Variants in SMAD9 observed in about 807,000 individuals in gnomAD.
SMAD9 encodes the protein SMAD family member 9.
SMAD9 carries 36 observed loss-of-function variants against 46.1 expected under a neutral mutation model. The ratio of observed to expected loss-of-function variants is 0.78; its 90% CI spans 0.60 to 1.03. The LOEUF is 1.03. Ranked by LOEUF, SMAD9 falls within the 50% of genes least tolerant of loss-of-function variation. SMAD9 has a pLI of 0.00. For synonymous variants in SMAD9, 245 were observed against 237.1 expected (o/e 1.03, Z -0.31); for missense variants, 572 against 599.8 (o/e 0.95, Z 0.48).
Position 36,879,713 on chromosome 13 carries a change from G to A in SMAD9, c.-24C>T, listed in dbSNP as rs372911346. On this transcript the variant is annotated 5_prime_UTR_variant, in exon 2 of 7. Transcript: ENST00000379826. ...ATAAGAGGCCACAGCAGGCTCCGGC[G>A]CGCACGGGAACCGCACAGCCCTTCA... 9.3e-6 allele frequency: 15 copies of A among 1,612,680 alleles called. No individual in the cohort carries two copies. Among genetic ancestry groups the A allele is most frequent in the Admixed American group, 6.7e-5 (4 of 60,012 alleles).
chr13:36,889,646 A>T (rs529228), intron 1 of SMAD9, among the ~76,000 whole-genome samples: 90,532 of 151,972 alleles, frequency 0.6, 27,764 homozygotes, highest in African/African-American at 0.74. Context: ...AATGAAATCA[A>T]TTCTTCCTGC....
intron 1 of SMAD9, among the ~76,000 whole-genome samples, chr13:36,884,849 C>A (rs912382305): frequency 6.6e-6 from 1 of 152,198 alleles, no homozygotes; most frequent in East Asian, 1.9e-4. Context: ...CAATCCTTCA[C>A]GGGCACTGCT....
chr13:36,900,737 ATTATTTT>A (rs2058568643), intron 1 of SMAD9, among the ~76,000 whole-genome samples: 1 of 151,470 alleles, frequency 6.6e-6, no homozygotes, highest in African/African-American at 2.4e-5. Flanking sequence ...ATAAATGTAA[ATTATTTT>A]ACTTATTTTA....
intron 1 of SMAD9, among the ~76,000 whole-genome samples, chr13:36,900,629 C>T (rs1360094924): frequency 6.7e-6 from 1 of 150,032 alleles, no homozygotes; most frequent in Non-Finnish European, 1.5e-5. Context: ...TTACTATCAA[C>T]CTTTCCTGAT....
chr13:36,907,009 A>G (rs2058625096), intron 1 of SMAD9, among the ~76,000 whole-genome samples: 1 of 152,240 alleles, frequency 6.6e-6, no homozygotes, highest in South Asian at 2.1e-4. Flanking sequence ...AAATGAATGA[A>G]TGAACAAATT....
chr13:36,902,011 TTTTTC>T (rs916544646), intron 1 of SMAD9, among the ~76,000 whole-genome samples: 1 of 152,238 alleles, frequency 6.6e-6, no homozygotes, highest in African/African-American at 2.4e-5. Flanking sequence ...TGATGAAATC[TTTTTC>T]TTTTGTTATT....
intron 2 of SMAD9, among the ~76,000 whole-genome samples, chr13:36,877,637 C>T (rs1387047865): frequency 4.0e-5 from 6 of 151,120 alleles, no homozygotes; most frequent in Non-Finnish European, 7.4e-5. Flanking sequence ...TTTAAGTAAG[C>T]GAAAAGAGTC....
rs553566297 is a variant in SMAD9 at position 36,845,646 on chromosome 13, T to G, written c.*3030A>C. ...GCTATTCAGTTTTTTTTTTAATGTCTACATCAAGGAATGAATGCTAAATGA... is the reference window on the plus strand; with the variant it reads ...GCTATTCAGTTTTTTTTTTAATGTCGACATCAAGGAATGAATGCTAAATGA... On this transcript the variant is annotated 3_prime_UTR_variant, in exon 7 of 7. Coordinates refer to ENST00000379826, the MANE Select transcript of SMAD9 (RefSeq NM_001127217.3). The G allele has an allele frequency of 2.0e-5, 3 of 152,272 alleles. No homozygotes were observed. The highest frequency in any genetic ancestry group is 4.1e-4 in the South Asian group (2 of 4,820). 9.4% of individuals were successfully genotyped at this position (152,272 alleles called of 1,614,324 possible). A position where few individuals can be genotyped will look rare whatever the true frequency, so the allele number is the denominator to read the frequency against.
At chr13:36,890,488 G>A (rs1418611637) in intron 1 of SMAD9, among the ~76,000 whole-genome samples, 5 of 152,076 alleles carry the variant, frequency 3.3e-5, no homozygotes, top group African/African-American at 1.2e-4. Flanking sequence ...CAATGAACCA[G>A]TTTTTTTCAA....
Position 36,879,546 on chromosome 13 carries a change from C to A in SMAD9, c.144G>T (p.Lys48Asn). Residue 48 changes from lysine (K) to asparagine (N), a missense_variant, in exon 2 of 7, where the codon AAG becomes AAT. Lys to Asn is a moderately conservative substitution (Grantham distance 94, BLOSUM62 0). Coordinates refer to ENST00000379826, the MANE Select transcript of SMAD9 (RefSeq NM_001127217.3). ...VDSLVKKLKK[K>N]KGAMDELERA... ...TCTCCAGCTCGTCCATGGCTCCCTT[C>A]TTCTTCTTTAACTTCTTCACTAGAG... 1.2e-6 allele frequency: 2 copies of A among 1,614,204 alleles called. No individual in the cohort carries two copies. Among genetic ancestry groups the A allele is most frequent in the Non-Finnish European group, 1.7e-6 (2 of 1,180,044 alleles).
At position 36,847,638 on chromosome 13, in the gene SMAD9, C is replaced by G. The variant is rs886050161; in HGVS notation, c.*1038G>C. The G allele has an allele frequency of 6.6e-6, 1 of 152,176 alleles. No homozygotes were observed. The highest frequency in any genetic ancestry group is 1.9e-4 in the East Asian group (1 of 5,198). The allele number at this position is 152,176 out of a possible 1,614,324, so 9.4% of individuals were successfully genotyped here. ...GATTTTCTCAAAGTCTTTACTGTTG[C>G]TTTAGTGATCTGCAAAGAGTTAATA... On this transcript the variant is annotated 3_prime_UTR_variant, in exon 7 of 7. Coordinates refer to ENST00000379826, the MANE Select transcript of SMAD9 (RefSeq NM_001127217.3).
chr13:36,868,587 A>G (rs975140030), intron 3 of SMAD9, among the ~76,000 whole-genome samples: 1 of 152,072 alleles, frequency 6.6e-6, no homozygotes, highest in Admixed American at 6.6e-5. Context: ...AAAAATTAAA[A>G]ATTAGCTGGG....
At chr13:36,890,820 C>T (rs935525383) in intron 1 of SMAD9, among the ~76,000 whole-genome samples, 2 of 151,884 alleles carry the variant, frequency 1.3e-5, no homozygotes, top group Admixed American at 6.6e-5. Flanking sequence ...CCTCTCCACA[C>T]CCCCATGACC....
At position 36,868,286 on chromosome 13, in the gene SMAD9, A is replaced by G. The variant is rs934799305; in HGVS notation, c.671-903T>C. On this transcript the variant is annotated intron_variant, in intron 3 of 6. Coordinates refer to ENST00000379826, the MANE Select transcript of SMAD9 (RefSeq NM_001127217.3). ...GCCATGTACATTTTAACATGCCCCA[A>G]TGGCAATTCTAATGCAGGGTTCGTG... Among the ~76,000 whole-genome samples the G allele has an allele frequency of 1.4e-4, 22 of 152,350 alleles. 1 individual carries two copies. In the East Asian group the frequency reaches 3.3e-3, roughly 23 times the overall value.
chr13:36,859,731 C>T (rs571317432), intron 5 of SMAD9, among the ~76,000 whole-genome samples: 2 of 152,082 alleles, frequency 1.3e-5, no homozygotes, highest in African/African-American at 2.4e-5. Flanking sequence ...GAAGCCGAGG[C>T]GGGTGGATTG....
chr13:36,893,455 T>TATATAC (rs1566033939), intron 1 of SMAD9, among the ~76,000 whole-genome samples: 1 of 147,964 alleles, frequency 6.8e-6, no homozygotes, highest in Non-Finnish European at 1.5e-5. Context: ...TATATATATA[T>TATATAC]ACACATAAAG....
intron 1 of SMAD9, among the ~76,000 whole-genome samples, chr13:36,906,095 G>A (rs1349277058): frequency 2.0e-5 from 3 of 152,068 alleles, no homozygotes; most frequent in Admixed American, 6.6e-5. Context: ...TTTCTTCACT[G>A]ATCAAATTTC....
At chr13:36,870,348 CTTCT>C (rs1432569351) in intron 3 of SMAD9, among the ~76,000 whole-genome samples, 1 of 152,158 alleles carries the variant, frequency 6.6e-6, no homozygotes, top group East Asian at 1.9e-4. Context: ...TGTTGTATTT[CTTCT>C]TTCTCAGTGA....
chr13:36,893,435 A>T (rs865928047), intron 1 of SMAD9, among the ~76,000 whole-genome samples: 3 of 144,402 alleles, frequency 2.1e-5, no homozygotes, highest in Admixed American at 7.0e-5. Context: ...TATAAATATA[A>T]ATATAAATAT....
Sources: gnomAD v4.1 joint callset for allele counts (sites outside exome capture counted in the v4.1 genomes callset) on GRCh38, gnomAD v4.1.1 for gene constraint, MANE v1.5 for transcripts, NCBI Gene and HGNC (gene_info 2026-07-23, HGNC 2026-07-21) for gene names.